The following ATG10 variants were observed in gnomAD, a reference collection of about 807,000 sequenced individuals.
ATG10 encodes the protein ubiquitin-like-conjugating enzyme ATG10.
ATG10 carries 30 observed loss-of-function variants against 32.1 expected under a neutral mutation model. That is an observed-to-expected ratio of 0.94 (90% CI 0.70 to 1.27). The LOEUF (loss-of-function observed/expected upper bound fraction) is 1.27, where lower values mean the gene tolerates loss of function less well. Among genes scored for constraint, ATG10 ranks in the 50% most tolerant of loss-of-function variants. The pLI is 0.00. For missense variants in ATG10, 233 were observed against 262.3 expected (o/e 0.89, Z 0.77); for synonymous variants, 87 against 91.5 (o/e 0.95, Z 0.28).
At chr5:82,165,807 G>T (rs1320088652) in intron 4 of ATG10, among the ~76,000 whole-genome samples, 5 of 152,182 alleles carry the variant, frequency 3.3e-5, no homozygotes, top group African/African-American at 1.2e-4. Flanking sequence ...TTATTCAGGG[G>T]GAGGAAAATG....
At position 82,135,326 on chromosome 5, in the gene ATG10, A is replaced by G. The variant is rs187900104; in HGVS notation, c.217-29073A>G. Among the ~76,000 whole-genome samples the G allele has an allele frequency of 3.5e-4, 53 of 152,152 alleles. 1 individual carries two copies. The highest frequency in any genetic ancestry group is 1.6e-3 in the Admixed American group (24 of 15,290). On this transcript the variant is annotated intron_variant, in intron 3 of 7. Transcript: ENST00000282185. ...TTTTAATTGTGATGTTAAGGTGTCA[A>G]TTTTAGATCTTTCCTGCTTTCTTCT...
At chr5:82,238,992 G>T (rs1173541779) in intron 5 of ATG10, among the ~76,000 whole-genome samples, 2 of 152,120 alleles carry the variant, frequency 1.3e-5, no homozygotes, top group Non-Finnish European at 2.9e-5. Context: ...TAAGAGTTTA[G>T]AATATATTGC....
intron 2 of ATG10, among the ~76,000 whole-genome samples, chr5:82,032,226 C>A (rs754187168): frequency 1.3e-5 from 2 of 152,290 alleles, no homozygotes; most frequent in South Asian, 4.1e-4. Context: ...TTTTGATTTG[C>A]CTGAATGGTT....
intron 2 of ATG10, among the ~76,000 whole-genome samples, chr5:82,051,404 G>T (rs992841724): frequency 6.6e-6 from 1 of 152,082 alleles, no homozygotes; most frequent in Non-Finnish European, 1.5e-5. Flanking sequence ...AATTAATGAG[G>T]TGTCATGTTT....
intron 2 of ATG10, among the ~76,000 whole-genome samples, chr5:82,006,075 G>A (rs1761979803): frequency 6.6e-6 from 1 of 152,238 alleles, no homozygotes; most frequent in African/African-American, 2.4e-5. Flanking sequence ...TTTATTCTGA[G>A]TATAAATTTA....
intron 5 of ATG10, among the ~76,000 whole-genome samples, chr5:82,182,210 T>C (rs1032100028): frequency 6.6e-6 from 1 of 152,150 alleles, no homozygotes; most frequent in African/African-American, 2.4e-5. Flanking sequence ...TTTTTCTTAG[T>C]GGATTCTTTT....
chr5:82,040,468 TC>T (rs1763051208), intron 2 of ATG10, among the ~76,000 whole-genome samples: 1 of 152,156 alleles, frequency 6.6e-6, no homozygotes, highest in Non-Finnish European at 1.5e-5. Flanking sequence ...GCACTATAAA[TC>T]ATAAATGTTA....
At chr5:82,108,682 T>G (rs1252174448) in intron 3 of ATG10, among the ~76,000 whole-genome samples, 2 of 152,108 alleles carry the variant, frequency 1.3e-5, no homozygotes, top group Non-Finnish European at 2.9e-5. Context: ...TTGCATTATA[T>G]GATGTCAGTG....
chr5:82,171,729 G>A (rs1258557301), intron 4 of ATG10, among the ~76,000 whole-genome samples: 1 of 152,142 alleles, frequency 6.6e-6, no homozygotes, highest in Non-Finnish European at 1.5e-5. Context: ...AAATATAAAT[G>A]TAAAACATTT....
chr5:82,223,487 G>A (rs1319933638), intron 5 of ATG10, among the ~76,000 whole-genome samples: 1 of 152,112 alleles, frequency 6.6e-6, no homozygotes, highest in Non-Finnish European at 1.5e-5. Context: ...TTGAAAGTTA[G>A]AGATAAGTTT....
At chr5:82,039,790 C>G (rs1220858977) in intron 2 of ATG10, among the ~76,000 whole-genome samples, 1 of 152,196 alleles carries the variant, frequency 6.6e-6, no homozygotes, top group Non-Finnish European at 1.5e-5. Context: ...CCTCATGAAA[C>G]AACAATTAAA....
chr5:81,995,126 ATGTGTG>A (rs148857001), intron 2 of ATG10, among the ~76,000 whole-genome samples: 1 of 149,652 alleles, frequency 6.7e-6, no homozygotes, highest in East Asian at 2.0e-4. Context: ...ATGTGTGTGT[ATGTGTG>A]TGTGTGTGTG....
chr5:82,111,694 T>C (rs1765627004), intron 3 of ATG10, among the ~76,000 whole-genome samples: 1 of 151,982 alleles, frequency 6.6e-6, no homozygotes, highest in Non-Finnish European at 1.5e-5. Flanking sequence ...AGTGAAGCTG[T>C]AGAACTAGTA....
chr5:82,211,858 A>G (rs1745505568), intron 5 of ATG10, among the ~76,000 whole-genome samples: 1 of 152,150 alleles, frequency 6.6e-6, no homozygotes, highest in South Asian at 2.1e-4. Flanking sequence ...ACATCTCTCT[A>G]TGCCCAGTGT....
intron 5 of ATG10, among the ~76,000 whole-genome samples, chr5:82,226,781 C>G (rs1746150766): frequency 6.6e-6 from 1 of 152,116 alleles, no homozygotes; most frequent in Admixed American, 6.6e-5. Flanking sequence ...TATTACAGGC[C>G]TGCTATCTTT....
At chr5:82,210,838 G>A (rs950122063) in intron 5 of ATG10, among the ~76,000 whole-genome samples, 1 of 152,176 alleles carries the variant, frequency 6.6e-6, no homozygotes, top group African/African-American at 2.4e-5. Flanking sequence ...GTTTTACTCA[G>A]GACAAGAATG....
rs374628474 is a variant in ATG10 at position 82,117,853 on chromosome 5, T to G, written c.217-46546T>G. ...GGCTGGACTGTGATAACCATGAAAA[T>G]ATGGATTTGGGGCTTTATTCTTCAG... On this transcript the variant is annotated intron_variant, in intron 3 of 7. Coordinates refer to ENST00000282185, the MANE Select transcript of ATG10 (RefSeq NM_031482.5). Among the ~76,000 whole-genome samples the G allele has an allele frequency of 2.0e-4, 30 of 152,062 alleles. No homozygotes were observed. In the South Asian group the frequency reaches 6.0e-3, roughly 31 times the overall value.
At chr5:82,142,493 A>G (rs775902913) in intron 3 of ATG10, among the ~76,000 whole-genome samples, 5 of 152,320 alleles carry the variant, frequency 3.3e-5, no homozygotes, top group East Asian at 1.9e-4. Flanking sequence ...TACAAGTATG[A>G]GCAGAATGAC....
chr5:82,245,645 T>C (rs935927047), intron 5 of ATG10, among the ~76,000 whole-genome samples: 1 of 152,172 alleles, frequency 6.6e-6, no homozygotes, highest in Non-Finnish European at 1.5e-5. Context: ...GTGAATGATA[T>C]AATATATGAA....
Sources: allele counts gnomAD v4.1 joint callset (sites outside exome capture counted in the v4.1 genomes callset), GRCh38; gene constraint gnomAD v4.1.1; transcripts MANE v1.5; gene names NCBI Gene and HGNC (gene_info 2026-07-23, HGNC 2026-07-21).